APEH: variants seen among roughly 807,000 people sequenced by gnomAD.
APEH encodes acylaminoacyl-peptide hydrolase.
Under a neutral mutation model 102.7 loss-of-function variants are expected in APEH, and 75 were observed. That is an observed-to-expected ratio of 0.73 (90% CI 0.61 to 0.89). APEH has a LOEUF of 0.89. Among genes scored for constraint, APEH ranks in the 40% least tolerant of loss-of-function variants. The pLI is 0.00. For missense variants in APEH, 863 were observed against 941.2 expected (o/e 0.92, Z 1.09); for synonymous variants, 344 against 362.7 (o/e 0.95, Z 0.59).
intron 17 of APEH, among the ~76,000 whole-genome samples, 156 bp downstream of exon 17, chr3:49,682,123 C>G (rs1198079640): frequency 2.0e-5 from 3 of 152,232 alleles, no homozygotes; most frequent in African/African-American, 7.2e-5. Context: ...GGCCCAGCCT[C>G]TGGTTCTGTG....
rs755763692 is a variant in APEH at position 49,682,661 on chromosome 3, C to T, written c.1808C>T (p.Thr603Ile). Reference sequence around the variant, plus strand: ...CACTTGATTGGTCAGTACCCAGAGACCTACAGGGCCTGCGTGGCCCGGAAC... The same window carrying T: ...CACTTGATTGGTCAGTACCCAGAGATCTACAGGGCCTGCGTGGCCCGGAAC... ...SCHLIGQYPE[T>I]YRACVARNPV... The change falls in exon 19 of 22, where the codon ACC becomes ATC. Residue 603 changes from threonine to isoleucine, a missense_variant. Transcript: ENST00000296456. 4.3e-6 allele frequency: 7 copies of T among 1,614,050 alleles called. No homozygotes were observed. The South Asian group carries it at 7.7e-5, about 18-fold the overall frequency.
intron 14 of APEH, 98 bp downstream of exon 14, chr3:49,680,727 C>A: frequency 8.8e-7 from 1 of 1,138,488 alleles, no homozygotes; most frequent in Non-Finnish European, 1.3e-6. Flanking sequence ...CCTGGCTGGT[C>A]AGCATACAGA....
intron 10 of APEH, among the ~76,000 whole-genome samples, chr3:49,677,355 AG>A (rs1279455304): frequency 6.6e-6 from 1 of 152,174 alleles, no homozygotes; most frequent in Non-Finnish European, 1.5e-5. Flanking sequence ...GACCCTCCCC[AG>A]GAAGAGCTCT....
chr3:49,683,330 C>G lies in APEH; in HGVS notation c.2187C>G (p.His729Gln). 6.2e-7 allele frequency: 1 copy of G among 1,612,630 alleles called. No individual in the cohort carries two copies. The highest frequency in any genetic ancestry group is 8.5e-7 in the Non-Finnish European group (1 of 1,178,918). ...ATGCTGTGCTCTGGCTACGCACACACTTGGGCAGCTGAAGCCCTGCCATTC... is the reference window on the plus strand; with the variant it reads ...ATGCTGTGCTCTGGCTACGCACACAGTTGGGCAGCTGAAGCCCTGCCATTC... The part of the protein sequence containing the change: ...FMNAVLWLRT[H>Q]LGS Residue 729 changes from histidine (H) to glutamine (Q), a missense_variant, in exon 22 of 22, where the codon CAC becomes CAG. Physicochemically the swap from His to Gln is conservative, Grantham distance 24 (BLOSUM62 0). Transcript: ENST00000296456.
chr3:49,677,957 A>C (rs930690795), intron 11 of APEH, among the ~76,000 whole-genome samples: 5 of 152,178 alleles, frequency 3.3e-5, no homozygotes, highest in African/African-American at 1.2e-4. Flanking sequence ...TCAAACCAAA[A>C]CCATGACTCC....
At position 49,683,636 on chromosome 3, in the gene APEH, C is replaced by G; in HGVS notation, c.*294C>G. ...GCCTCCAGTGTGAGAAGGGAGGGAA[C>G]AGTGAGAGGCTTAGCCTCTGCCTGT... On this transcript the variant is annotated 3_prime_UTR_variant, in exon 22 of 22. Transcript: ENST00000296456. 2.1e-6 allele frequency: 1 copy of G among 482,244 alleles called. No homozygotes were observed. Among genetic ancestry groups the G allele is most frequent in the Non-Finnish European group, 3.8e-6 (1 of 263,992 alleles). 29.9% of individuals were successfully genotyped at this position (482,244 alleles called of 1,614,324 possible).
intron 6 of APEH, 37 bp from the exon 7 acceptor site, chr3:49,676,341 A>G (rs371544018): frequency 1.3e-5 from 21 of 1,613,822 alleles, no homozygotes; most frequent in Non-Finnish European, 1.5e-5. Context: ...AGCAGGTCCT[A>G]TAGACAGGCT....
intron 15 of APEH, 64 bp downstream of exon 15, chr3:49,681,303 G>A (rs927720805): frequency 1.4e-6 from 2 of 1,452,932 alleles, no homozygotes; most frequent in Admixed American, 2.5e-5. Flanking sequence ...CCTCTGCGGT[G>A]ACCTTTGCTA....
chr3:49,674,763 T>C, intron 2 of APEH, 142 bp downstream of exon 2: 1 of 1,204,082 alleles, frequency 8.3e-7, no homozygotes, highest in Non-Finnish European at 1.1e-6. Flanking sequence ...CTCCCACAGG[T>C]CCCTGCACAC....
In APEH at chr3:49,679,003, C is replaced by A; in HGVS notation, c.1158+54C>A. ...AGCCCCTGTGGTCAACCCCCAGGAGCCCTGGGGGTTGCATGTGCATGCCCC... is the reference window on the plus strand; with the variant it reads ...AGCCCCTGTGGTCAACCCCCAGGAGACCTGGGGGTTGCATGTGCATGCCCC... On this transcript the variant is annotated intron_variant, in intron 12 of 21. Transcript: ENST00000296456. The surrounding 1 kb of genome is among the most constrained non-coding windows in gnomAD (Gnocchi z 4.3). The A allele has an allele frequency of 6.9e-7, 1 of 1,449,684 alleles. No individual in the cohort carries two copies. The highest frequency in any genetic ancestry group is 1.1e-5 in the South Asian group (1 of 87,498). The allele number at this position is 1,449,684 out of a possible 1,614,324, so 89.8% of individuals were successfully genotyped here. A position where few individuals can be genotyped will look rare whatever the true frequency, so the allele number is the denominator to read the frequency against.
chr3:49,679,675 G>C lies in APEH; in HGVS notation c.1210+31G>C. 2 of 1,609,954 alleles carry C rather than the reference G, an allele frequency of 1.2e-6. No individual in the cohort carries two copies. Among genetic ancestry groups the C allele is most frequent in the Non-Finnish European group, 1.7e-6 (2 of 1,176,610 alleles). On this transcript the variant is annotated intron_variant, in intron 13 of 21. Coordinates refer to ENST00000296456, the MANE Select transcript of APEH (RefSeq NM_001640.4). The surrounding 1 kb of genome is among the most constrained non-coding windows in gnomAD (Gnocchi z 4.3). ...CAAGGCTTTGGGGATGGGGGTAAGG[G>C]CAGGGCTGGTGAGCAAGCCAACCAG...
chr3:49,681,105 T>C lies in APEH; in HGVS notation c.1304T>C (p.Val435Ala), dbSNP rs767496793. The C allele has an allele frequency of 6.3e-7, 1 of 1,578,748 alleles. No homozygotes were observed. Among genetic ancestry groups the C allele is most frequent in the Non-Finnish European group, 8.6e-7 (1 of 1,161,784 alleles). Residue 435 changes from valine (V) to alanine (A), a missense_variant, in exon 15 of 22, where the codon GTT becomes GCT. Val to Ala is a moderately conservative substitution (Grantham distance 64). Transcript: ENST00000296456. The stretch of plus-strand genomic sequence containing the variant: ...CACATTCTTTCCCCTTGGCAGAAAG[T>C]TGGGTTCCTGCCTTCTGCAGGGAAG... Reference protein sequence around the residue: ...STPSLPPTLKVGFLPSAGKEQ... With the variant: ...STPSLPPTLKAGFLPSAGKEQ...
rs1217451704 is a variant in APEH, at chr3:49,679,294, C to A, written c.1159-299C>A. ...CCTTCCCCCAGGGATGGAGTAAAGC[C>A]ACTCACAGTGTGCCAGGCTCCTTTT... On this transcript the variant is annotated intron_variant, in intron 12 of 21. Transcript: ENST00000296456. The surrounding 1 kb of genome is among the most constrained non-coding windows in gnomAD (Gnocchi z 4.3). Among the ~76,000 whole-genome samples the A allele has an allele frequency of 6.6e-6, 1 of 152,146 alleles. No homozygotes were observed. Among genetic ancestry groups the A allele is most frequent in the Non-Finnish European group, 1.5e-5 (1 of 68,020 alleles).
At chr3:49,677,684 C>T in intron 11 of APEH, 51 bp downstream of exon 11, 1 of 1,524,428 alleles carries the variant, frequency 6.6e-7, no homozygotes, top group Non-Finnish European at 9.1e-7. Context: ...GCTCTGCTTT[C>T]CTGCCGTCTG....
intron 13 of APEH, 32 bp from the exon 14 acceptor site, chr3:49,680,509 G>C (rs1178442494): frequency 6.3e-7 from 1 of 1,592,678 alleles, no homozygotes; most frequent in African/African-American, 1.3e-5. Flanking sequence ...GATGGCTCCT[G>C]CTAAGCACTT....
At position 49,681,667 on chromosome 3, in the gene APEH, C is replaced by T. The variant is rs544968825; in HGVS notation, c.1439-55C>T. 72 of 1,420,490 alleles carry T rather than the reference C, an allele frequency of 5.1e-5. No homozygotes were observed. The African/African-American group carries it at 9.2e-4, about 18-fold the overall frequency. 88.0% of individuals were successfully genotyped at this position (1,420,490 alleles called of 1,614,324 possible). On this transcript the variant is annotated intron_variant, in intron 15 of 21. Transcript: ENST00000296456. ...CCACACCTGCAGCTAGAGATGGGGC[C>T]TTAGTTGGGGAAGCCCCTAGGCTCA...
rs922814806 is a variant in APEH at position 49,674,358 on chromosome 3, G to A, written c.-44G>A. 1.1e-5 allele frequency: 17 copies of A among 1,543,290 alleles called. No homozygotes were observed. The highest frequency in any genetic ancestry group is 6.8e-5 in the African/African-American group (5 of 73,162). On this transcript the variant is annotated 5_prime_UTR_variant, in exon 1 of 22. Transcript: ENST00000296456. ...TCCGCCCCCGGAAGCCTCACTTCCGGGCGCGAGCACGCCCCGCCTCGCCCC... is the reference window on the plus strand; with the variant it reads ...TCCGCCCCCGGAAGCCTCACTTCCGAGCGCGAGCACGCCCCGCCTCGCCCC...
Position 49,679,577 on chromosome 3 carries a change from C to T in APEH, c.1159-16C>T, listed in dbSNP as rs1416403560. 2.5e-6 allele frequency: 4 copies of T among 1,613,630 alleles called. No individual in the cohort carries two copies. The Admixed American group carries it at 6.7e-5, about 27-fold the overall frequency. ...TCTTGGATGTGGTCGCACCTGTGGC[C>T]TTGCCTCTGCTTCAGGACCTGTTTG... On this transcript the variant is annotated splice_polypyrimidine_tract_variant and intron_variant, in intron 12 of 21. Transcript: ENST00000296456. The surrounding 1 kb of genome is among the most constrained non-coding windows in gnomAD (Gnocchi z 4.3).
At chr3:49,677,430 C>G (rs1176549472) in intron 10 of APEH, 143 bp from the exon 11 acceptor site, 8 of 787,298 alleles carry the variant, frequency 1.0e-5, no homozygotes, top group Admixed American at 1.9e-5. Flanking sequence ...TGGTCCAGGT[C>G]ACCAGAAAAG....
Sources: allele counts gnomAD v4.1 joint callset (sites outside exome capture counted in the v4.1 genomes callset), GRCh38; gene constraint gnomAD v4.1.1; non-coding constraint Gnocchi (gnomAD v3.1); transcripts MANE v1.5; gene names NCBI Gene and HGNC (gene_info 2026-07-23, HGNC 2026-07-21).